Variants in ATRNL1 observed in about 807,000 individuals in gnomAD.
The protein encoded by ATRNL1 is attractin-like protein 1.
In ATRNL1, 95 loss-of-function variants were observed where a neutral mutation model predicts 182.7. The observed-to-expected ratio is 0.52, with a 90% CI of 0.44 to 0.62. The LOEUF (loss-of-function observed/expected upper bound fraction) is 0.62. ATRNL1 is among the 20% of genes least tolerant of loss of function. The pLI is 0.00. For synonymous variants in ATRNL1, 576 were observed against 568.3 expected (o/e 1.01, Z -0.19); for missense variants, 1,471 against 1,679.5 (o/e 0.88, Z 2.17).
At chr10:115,766,295 C>G (rs949779566) in intron 27 of ATRNL1, among the ~76,000 whole-genome samples, 2 of 152,144 alleles carry the variant, frequency 1.3e-5, no homozygotes, top group African/African-American at 2.4e-5. Flanking sequence ...GCATTTCAAC[C>G]TTGACACTAC....
intron 19 of ATRNL1, among the ~76,000 whole-genome samples, chr10:115,394,233 A>G (rs1481324304): frequency 2.2e-4 from 34 of 152,198 alleles, no homozygotes; most frequent in African/African-American, 7.5e-4. Flanking sequence ...TCTTTTGCAA[A>G]TGAAGAAATT....
At chr10:115,153,322 AT>A (rs1846335534) in intron 5 of ATRNL1, among the ~76,000 whole-genome samples, 1 of 152,192 alleles carries the variant, frequency 6.6e-6, no homozygotes, top group African/African-American at 2.4e-5. Context: ...CTCTGGTAGA[AT>A]TCGGCTGTGA....
At chr10:115,254,743 C>A in intron 10 of ATRNL1, among the ~76,000 whole-genome samples, 1 of 151,832 alleles carries the variant, frequency 6.6e-6, no homozygotes, top group Non-Finnish European at 1.5e-5. Context: ...TGCCTAGGTT[C>A]TCTTCTAGGG....
chr10:115,843,482 G>A (rs1034338694), intron 27 of ATRNL1, among the ~76,000 whole-genome samples: 1 of 152,050 alleles, frequency 6.6e-6, no homozygotes, highest in Admixed American at 6.6e-5. Flanking sequence ...TATAGATGAA[G>A]TGACATTTGA....
At chr10:115,897,482 G>A (rs1239988479) in intron 28 of ATRNL1, among the ~76,000 whole-genome samples, 4 of 152,092 alleles carry the variant, frequency 2.6e-5, no homozygotes, top group African/African-American at 7.2e-5. Flanking sequence ...AATGTTAATC[G>A]GAAGGAGATA....
chr10:115,305,725 T>C (rs1554925959), intron 17 of ATRNL1, among the ~76,000 whole-genome samples: 1 of 152,144 alleles, frequency 6.6e-6, no homozygotes, highest in East Asian at 1.9e-4. Context: ...AGTTAAAAAA[T>C]AGTCAAAACG....
chr10:115,258,718 C>T (rs1259857303), intron 10 of ATRNL1, among the ~76,000 whole-genome samples: 1 of 152,138 alleles, frequency 6.6e-6, no homozygotes, highest in Non-Finnish European at 1.5e-5. Context: ...GAATTTTCAC[C>T]TTTTCTGCTC....
chr10:115,488,760 C>G (rs1334670279), intron 24 of ATRNL1, among the ~76,000 whole-genome samples: 3 of 152,102 alleles, frequency 2.0e-5, no homozygotes, highest in Non-Finnish European at 4.4e-5. Flanking sequence ...TTCTTGTCTT[C>G]TGCTCACTTT....
chr10:115,368,500 G>T (rs1338641078), intron 19 of ATRNL1, among the ~76,000 whole-genome samples: 2 of 152,156 alleles, frequency 1.3e-5, no homozygotes, highest in Non-Finnish European at 2.9e-5. Context: ...CGCTCACGCT[G>T]GGAGCTGTAG....
chr10:115,608,818 A>G (rs1857001888), intron 26 of ATRNL1, among the ~76,000 whole-genome samples: 1 of 151,890 alleles, frequency 6.6e-6, no homozygotes, highest in African/African-American at 2.4e-5. Context: ...TTCGCTGTCA[A>G]AAATACACTT....
intron 26 of ATRNL1, among the ~76,000 whole-genome samples, chr10:115,644,284 A>AT (rs1859458070): frequency 6.6e-6 from 1 of 152,042 alleles, no homozygotes; most frequent in Admixed American, 6.6e-5. Context: ...ACAGAAAAAC[A>AT]TTTTTTTACT....
At chr10:115,489,799 G>A (rs1592730604) in intron 24 of ATRNL1, among the ~76,000 whole-genome samples, 1 of 152,164 alleles carries the variant, frequency 6.6e-6, no homozygotes, top group African/African-American at 2.4e-5. Flanking sequence ...CCTGTTAGTT[G>A]ATGCAGTTTC....
intron 18 of ATRNL1, among the ~76,000 whole-genome samples, chr10:115,333,284 C>T (rs4752730): frequency 0.97 from 147,141 of 152,250 alleles, 71,124 homozygotes; most frequent in East Asian, 1. Context: ...GCCTTTCATA[C>T]ATGAACTTTA....
chr10:115,102,510 A>G (rs917683382), intron 1 of ATRNL1, among the ~76,000 whole-genome samples: 14 of 151,788 alleles, frequency 9.2e-5, no homozygotes, highest in African/African-American at 3.1e-4. Context: ...GTGGCATGGT[A>G]TCAGCTCACT....
At chr10:115,711,497 G>A (rs1050856283) in intron 26 of ATRNL1, among the ~76,000 whole-genome samples, 18 of 152,270 alleles carry the variant, frequency 1.2e-4, no homozygotes, top group Admixed American at 3.9e-4. Context: ...AATGGCAAAA[G>A]CTTTTCCCCT....
intron 21 of ATRNL1, among the ~76,000 whole-genome samples, chr10:115,439,276 G>T (rs1341872920): frequency 6.6e-6 from 1 of 151,700 alleles, no homozygotes; most frequent in Non-Finnish European, 1.5e-5. Flanking sequence ...GAGTGGACTT[G>T]CATAGCTCAA....
At chr10:115,377,533 C>A (rs74665736) in intron 19 of ATRNL1, among the ~76,000 whole-genome samples, 1 of 152,090 alleles carries the variant, frequency 6.6e-6, no homozygotes, top group Admixed American at 6.5e-5. Flanking sequence ...ATTTTGAATT[C>A]TTTTTCAGGC....
intron 19 of ATRNL1, among the ~76,000 whole-genome samples, chr10:115,340,053 C>A (rs1554937805): frequency 6.6e-6 from 1 of 152,090 alleles, no homozygotes; most frequent in African/African-American, 2.4e-5. Flanking sequence ...GGGATAAATC[C>A]CACTTGGTTA....
chr10:115,866,644 TTTCCTG>T (rs1555104806), intron 28 of ATRNL1, among the ~76,000 whole-genome samples: 2 of 152,182 alleles, frequency 1.3e-5, no homozygotes, highest in African/African-American at 4.8e-5. Context: ...TACTCTAGTG[TTTCCTG>T]ACAGGAAAGC....
Sources: gnomAD v4.1 joint callset for allele counts (sites outside exome capture counted in the v4.1 genomes callset) on GRCh38, gnomAD v4.1.1 for gene constraint, MANE v1.5 for transcripts, NCBI Gene and HGNC (gene_info 2026-07-23, HGNC 2026-07-21) for gene names.